The following NCKAP5 variants were observed in gnomAD, a reference collection of about 807,000 sequenced individuals.
NCKAP5 encodes the protein nck-associated protein 5.
NCKAP5 carries 92 observed loss-of-function variants against 167.0 expected under a neutral mutation model. The ratio of observed to expected loss-of-function variants is 0.55; its 90% CI spans 0.47 to 0.66. The LOEUF (loss-of-function observed/expected upper bound fraction) is 0.66. Ranked by LOEUF, NCKAP5 falls within the 30% of genes least tolerant of loss-of-function variation. NCKAP5 has a pLI of 0.00. For missense variants in NCKAP5, 2,378 were observed against 2,315.0 expected (o/e 1.03, Z -0.56); for synonymous variants, 891 against 877.4 (o/e 1.02, Z -0.27).
At chr2:133,127,456 C>T (rs1003474921) in intron 6 of NCKAP5, among the ~76,000 whole-genome samples, 3 of 152,136 alleles carry the variant, frequency 2.0e-5, no homozygotes, top group Non-Finnish European at 4.4e-5. Flanking sequence ...AAGTCCTTCA[C>T]AAAAGAAGTA....
chr2:132,990,326 C>A (rs548563896), intron 7 of NCKAP5, among the ~76,000 whole-genome samples: 1 of 152,158 alleles, frequency 6.6e-6, no homozygotes, highest in Admixed American at 6.5e-5. Context: ...TCCCCACTCC[C>A]GAGCATCCTA....
intron 2 of NCKAP5, among the ~76,000 whole-genome samples, chr2:133,532,393 A>C (rs190516004): frequency 2.0e-4 from 30 of 152,286 alleles, no homozygotes; most frequent in Admixed American, 1.4e-3. Context: ...CACATGTTTG[A>C]GTGAGAAGGC....
chr2:132,749,440 G>T (rs1679921154), intron 16 of NCKAP5, among the ~76,000 whole-genome samples: 1 of 152,222 alleles, frequency 6.6e-6, no homozygotes, highest in African/African-American at 2.4e-5. Context: ...CTGGGCTCAA[G>T]CCATCCACCC....
At chr2:133,285,656 T>G (rs1393239925) in intron 4 of NCKAP5, among the ~76,000 whole-genome samples, 1 of 152,134 alleles carries the variant, frequency 6.6e-6, no homozygotes, top group African/African-American at 2.4e-5. Flanking sequence ...AATGCACGTA[T>G]CACCATCACG....
intron 3 of NCKAP5, among the ~76,000 whole-genome samples, chr2:133,501,432 A>G (rs1288470730): frequency 6.6e-6 from 1 of 152,222 alleles, no homozygotes; most frequent in Admixed American, 6.5e-5. Flanking sequence ...GAAGCTTAGC[A>G]ATTGAGACAT....
chr2:133,224,521 CA>C (rs2150219901), intron 4 of NCKAP5, among the ~76,000 whole-genome samples: 1 of 152,278 alleles, frequency 6.6e-6, no homozygotes, highest in Admixed American at 6.5e-5. Flanking sequence ...TTAGATGCTC[CA>C]TATAATATTG....
At position 133,213,755 on chromosome 2, in the gene NCKAP5, T is replaced by C. The variant is rs747355209; in HGVS notation, c.168A>G (p.Leu56=). Residue 56 remains leucine, a synonymous_variant, in exon 5 of 20, where the codon CTA becomes CTG. Coordinates refer to ENST00000409261, the MANE Select transcript of NCKAP5 (RefSeq NM_207363.3). ...TTGTTCTTTGGGCAACTTCTCGCTGTAGTCGGGCCACTGCCAACTTCTCCC... is the reference window on the plus strand; with the variant it reads ...TTGTTCTTTGGGCAACTTCTCGCTGCAGTCGGGCCACTGCCAACTTCTCCC... ...LWREKLAVAR[L]QREVAQRTSE... is the part of the protein sequence containing the mutation. 2 of 1,613,808 alleles carry C rather than the reference T, an allele frequency of 1.2e-6. No homozygotes were observed. The highest frequency in any genetic ancestry group is 4.5e-5 in the East Asian group (2 of 44,884).
intron 4 of NCKAP5, among the ~76,000 whole-genome samples, chr2:133,284,135 G>A (rs566385402): frequency 2.0e-5 from 3 of 151,658 alleles, no homozygotes; most frequent in African/African-American, 7.3e-5. Context: ...TCAGAAGCAA[G>A]GTGAATGATG....
intron 11 of NCKAP5, among the ~76,000 whole-genome samples, chr2:132,852,340 G>A (rs1328183305): frequency 7.9e-5 from 12 of 152,188 alleles, no homozygotes. Context: ...GCAATATAAT[G>A]TTGATTTATG....
intron 3 of NCKAP5, among the ~76,000 whole-genome samples, chr2:133,406,366 G>T (rs1482222957): frequency 1.3e-5 from 2 of 152,180 alleles, no homozygotes; most frequent in Non-Finnish European, 2.9e-5. Flanking sequence ...GCTGCAGGGG[G>T]CTGCTCTGGA....
At chr2:132,721,767 A>T (rs1207914182) in intron 19 of NCKAP5, among the ~76,000 whole-genome samples, 1 of 152,194 alleles carries the variant, frequency 6.6e-6, no homozygotes, top group African/African-American at 2.4e-5. Flanking sequence ...CAGCATTGCC[A>T]CAGCTGGGGC....
rs1013398205 is a variant in NCKAP5, at chr2:133,009,913, CA to C, written c.342-15675del. Among the ~76,000 whole-genome samples, 73 of 151,218 alleles carry C rather than the reference CA, an allele frequency of 4.8e-4. 1 individual carries two copies. Among genetic ancestry groups the C allele is most frequent in the African/African-American group, 1.7e-3 (72 of 41,178 alleles). On this transcript the variant is annotated intron_variant, in intron 6 of 19. Coordinates refer to ENST00000409261, the MANE Select transcript of NCKAP5 (RefSeq NM_207363.3). ...TGAAACCCTGTCTCTATTAAAAATA[CA>C]AAAAAAATTAGCAGGGCGTGGTGGC...
chr2:133,109,762 G>GAAA (rs35328665), intron 6 of NCKAP5, among the ~76,000 whole-genome samples: 1 of 142,388 alleles, frequency 7.0e-6, no homozygotes, highest in African/African-American at 2.6e-5. Context: ...AAGTTTTTCT[G>GAAA]AAAAAAAAAA....
intron 6 of NCKAP5, among the ~76,000 whole-genome samples, chr2:133,112,267 G>A (rs777132412): frequency 2.5e-4 from 38 of 152,128 alleles, no homozygotes; most frequent in Non-Finnish European, 3.7e-4. Flanking sequence ...GAGGTCAGGA[G>A]ATCGAGACCA....
At chr2:133,283,274 G>T (rs2089991375) in intron 4 of NCKAP5, among the ~76,000 whole-genome samples, 1 of 152,112 alleles carries the variant, frequency 6.6e-6, no homozygotes, top group Admixed American at 6.5e-5. Flanking sequence ...ATTTGAAGGA[G>T]GTAGAGGAGA....
At position 133,276,107 on chromosome 2, in the gene NCKAP5, C is replaced by T. The variant is rs138857151; in HGVS notation, c.143+26930G>A. Among the ~76,000 whole-genome samples the T allele has an allele frequency of 1.9e-4, 29 of 152,090 alleles. No individual in the cohort carries two copies. In the East Asian group the frequency reaches 5.4e-3, roughly 28 times the overall value. On this transcript the variant is annotated intron_variant, in intron 4 of 19. Transcript: ENST00000409261. ...AGAGGATGAAGGTCTTTATGATGATCCACGTCCATTTCATGAATAGGAAAC... is the reference window on the plus strand; with the variant it reads ...AGAGGATGAAGGTCTTTATGATGATTCACGTCCATTTCATGAATAGGAAAC...
At chr2:133,274,194 T>C (rs1323486696) in intron 4 of NCKAP5, among the ~76,000 whole-genome samples, 1 of 151,898 alleles carries the variant, frequency 6.6e-6, no homozygotes, top group East Asian at 1.9e-4. Context: ...GCAGTTTGTT[T>C]ACTAGATAAA....
intron 6 of NCKAP5, among the ~76,000 whole-genome samples, chr2:133,022,423 C>T (rs1214007057): frequency 6.6e-6 from 1 of 152,090 alleles, no homozygotes; most frequent in African/African-American, 2.4e-5. Flanking sequence ...TTACTTCAAA[C>T]TGAGGGCACC....
At chr2:132,755,743 C>T (rs971021061) in intron 16 of NCKAP5, among the ~76,000 whole-genome samples, 3 of 151,420 alleles carry the variant, frequency 2.0e-5, no homozygotes, top group Non-Finnish European at 2.9e-5. Context: ...GCAGGAGAAT[C>T]GCTTGAACCT....
Sources: allele counts gnomAD v4.1 joint callset (sites outside exome capture counted in the v4.1 genomes callset), GRCh38; gene constraint gnomAD v4.1.1; transcripts MANE v1.5; gene names NCBI Gene and HGNC (gene_info 2026-07-23, HGNC 2026-07-21).